Variants in CPAP observed in about 807,000 individuals in gnomAD.
The protein encoded by CPAP is centrosomal P4.1-associated protein.
the CPAP span, chr13:24,885,341 G>C: frequency 6.2e-7 from 1 of 1,613,652 alleles, no homozygotes; most frequent in Non-Finnish European, 8.5e-7. Flanking sequence ...TTATATTCAG[G>C]ATCTGGGAAG....
chr13:24,912,707 G>A, the CPAP span: 1 of 1,614,174 alleles, frequency 6.2e-7, no homozygotes. Context: ...GCCGCTACCT[G>A]TGGTCCCTTT....
chr13:24,890,658 A>G, the CPAP span, among the ~76,000 whole-genome samples: 1 of 152,238 alleles, frequency 6.6e-6, no homozygotes, highest in African/African-American at 2.4e-5. Context: ...TGGCCCAGGT[A>G]CAGCCACGAA....
the CPAP span, among the ~76,000 whole-genome samples, chr13:24,921,000 T>C: frequency 6.6e-6 from 1 of 152,154 alleles, no homozygotes; most frequent in African/African-American, 2.4e-5. Context: ...TTGGTCGTTA[T>C]CCAGGAAAAT....
the CPAP span, chr13:24,904,168 T>G: frequency 2.5e-6 from 3 of 1,216,206 alleles, no homozygotes; most frequent in South Asian, 1.3e-5. Flanking sequence ...TCTGTGCTAT[T>G]AAAATGCATT....
the CPAP span, among the ~76,000 whole-genome samples, chr13:24,894,056 A>C: frequency 6.6e-6 from 1 of 151,958 alleles, no homozygotes; most frequent in African/African-American, 2.4e-5. Context: ...CGCGTGTGGG[A>C]AGCAACAGGA....
the CPAP span, chr13:24,886,364 GTGTGAGGCGGCTGTGCTGTGCC>G: frequency 1.6e-6 from 2 of 1,289,206 alleles, no homozygotes; most frequent in Non-Finnish European, 1.0e-6. Context: ...GCTGCTGGGC[GTGTGAGGCGGCTGTGCTGTGCC>G]TGTGAGACAG....
the CPAP span, among the ~76,000 whole-genome samples, chr13:24,895,345 A>G: frequency 6.6e-6 from 1 of 151,946 alleles, no homozygotes; most frequent in Non-Finnish European, 1.5e-5. Context: ...GGAGGCTGAG[A>G]CGGGCGGATC....
At chr13:24,904,344 C>G in the CPAP span, among the ~76,000 whole-genome samples, 2 of 152,052 alleles carry the variant, frequency 1.3e-5, no homozygotes, top group Admixed American at 1.3e-4. Context: ...TTTTCAAAGA[C>G]GAATATATAT....
chr13:24,929,254 G>T, the CPAP span, among the ~76,000 whole-genome samples: 2 of 152,138 alleles, frequency 1.3e-5, no homozygotes, highest in Non-Finnish European at 2.9e-5. Flanking sequence ...TAGAGATGGG[G>T]TTTTGCCATG....
At chr13:24,885,450 A>G in the CPAP span, 7 of 1,261,964 alleles carry the variant, frequency 5.5e-6, no homozygotes, top group Non-Finnish European at 7.0e-6. Context: ...AGATTCTGAT[A>G]TAGGGTTCTA....
chr13:24,898,000 G>A, the CPAP span, among the ~76,000 whole-genome samples: 5 of 152,134 alleles, frequency 3.3e-5, no homozygotes, highest in African/African-American at 1.2e-4. Flanking sequence ...GGTTCAAGTG[G>A]TTCTCCTGCC....
the CPAP span, chr13:24,884,103 A>G: frequency 6.2e-7 from 1 of 1,610,856 alleles, no homozygotes; most frequent in South Asian, 1.1e-5. Context: ...AAGTTGTTAC[A>G]GTAAATATTT....
the CPAP span, chr13:24,883,401 A>G: frequency 7.0e-7 from 1 of 1,425,354 alleles, no homozygotes; most frequent in South Asian, 1.3e-5. Flanking sequence ...TGATTTCTTA[A>G]AAAAAAAATA....
At chr13:24,905,408 G>C in the CPAP span, 2 of 1,614,002 alleles carry the variant, frequency 1.2e-6, no homozygotes, top group Non-Finnish European at 1.7e-6. Flanking sequence ...ATCTGACTTT[G>C]GTTTTGGTTT....
chr13:24,890,497 A>G, the CPAP span, among the ~76,000 whole-genome samples: 3 of 152,162 alleles, frequency 2.0e-5, no homozygotes, highest in Non-Finnish European at 4.4e-5. Flanking sequence ...TCATGCAGCT[A>G]AAATATGCTA....
the CPAP span, among the ~76,000 whole-genome samples, chr13:24,894,320 T>G: frequency 6.6e-6 from 1 of 152,132 alleles, no homozygotes; most frequent in African/African-American, 2.4e-5. Context: ...AGGTGGCAAC[T>G]GGAATCTGAG....
the CPAP span, chr13:24,906,004 G>A: frequency 1.9e-5 from 31 of 1,614,108 alleles, no homozygotes; most frequent in Non-Finnish European, 2.5e-5. Flanking sequence ...TGCTCTTTTG[G>A]ACGGCTTTCC....
chr13:24,908,121 T>G, the CPAP span: 1 of 1,607,840 alleles, frequency 6.2e-7, no homozygotes, highest in Non-Finnish European at 8.5e-7. Context: ...CATAAGATAC[T>G]TTCTCCTGAG....
the CPAP span, chr13:24,907,155 A>G: frequency 6.2e-7 from 1 of 1,613,936 alleles, no homozygotes; most frequent in Non-Finnish European, 8.5e-7. Flanking sequence ...GTAATCTTCA[A>G]AGGTCTGTTT....
Sources: allele counts gnomAD v4.1 joint callset (sites outside exome capture counted in the v4.1 genomes callset), GRCh38; gene constraint gnomAD v4.1.1; transcripts MANE v1.5; gene names NCBI Gene and HGNC (gene_info 2026-07-23, HGNC 2026-07-21).